TMC4: variants seen among roughly 807,000 people sequenced by gnomAD.
TMC4 encodes voltage-gated chloride channel TMC4.
A neutral mutation model predicts 82.0 loss-of-function variants in TMC4; 70 were observed. The ratio of observed to expected loss-of-function variants is 0.85; its 90% confidence interval spans 0.70 to 1.04. The LOEUF is 1.04. Ranked by LOEUF, TMC4 falls within the 50% of genes least tolerant of loss-of-function variation. TMC4 has a pLI of 0.00. For missense variants in TMC4, 879 were observed against 899.0 expected (o/e 0.98, Z 0.28); for synonymous variants, 446 against 406.0 (o/e 1.10, Z -1.18).
At chr19:54,171,116 C>CGTATATACGCGTAT (rs60555082) in intron 2 of TMC4, among the ~76,000 whole-genome samples, 27 of 147,356 alleles carry the variant, frequency 1.8e-4, no homozygotes, top group East Asian at 8.3e-4. Context: ...TATATATACG[C>CGTATATACGCGTAT]ATATATATTT....
At chr19:54,160,570 A>G in intron 13 of TMC4, 25 bp from the exon 14 acceptor site, 2 of 1,613,244 alleles carry the variant, frequency 1.2e-6, no homozygotes, top group South Asian at 1.1e-5. Context: ...AACGGAAGCC[A>G]CTCCTGACAC....
chr19:54,172,113 C>A, intron 1 of TMC4, 30 bp from the exon 2 acceptor site: 2 of 1,498,602 alleles, frequency 1.3e-6, no homozygotes, highest in South Asian at 1.3e-5. Flanking sequence ...TGGGAAGACC[C>A]GGGAGTCTGG....
rs769838894 is a variant in TMC4 at position 54,169,510 on chromosome 19, AC to A, written c.442+1del. On this transcript the variant is annotated splice_donor_variant, in intron 3 of 14. Coordinates refer to ENST00000619895, the MANE Select transcript of TMC4 (RefSeq NM_144686.4). LOFTEE classifies it high-confidence loss of function. The stretch of plus-strand genomic sequence containing the variant: ...CAGGACACCACCCAAACCCCACCGC[AC>A]CCCCGATCCTCTTCAGTGTCCACGC... 6.2e-7 allele frequency: 1 copy of A among 1,601,940 alleles called. No individual in the cohort carries two copies. The highest frequency in any genetic ancestry group is 1.1e-5 in the South Asian group (1 of 90,364).
chr19:54,160,980 GC>G lies in TMC4; in HGVS notation c.1870del (p.Ala624ProfsTer32). ...GPFRGQSSIW[A>X]QIPESISSLP... ...GCTGGAAATAGACTCAGGGATCTGG[GC>G]CCAGATGGACGACTGCCCCCGGAAT... On this transcript the variant is annotated frameshift_variant, in exon 13 of 15. Transcript: ENST00000619895. LOFTEE classifies it high-confidence loss of function. 6.2e-7 allele frequency: 1 copy of G among 1,614,176 alleles called. No individual in the cohort carries two copies.
chr19:54,160,182 G>T lies in TMC4; in HGVS notation c.*124C>A. The T allele has an allele frequency of 9.0e-7, 1 of 1,112,674 alleles. No homozygotes were observed. The highest frequency in any genetic ancestry group is 1.2e-6 in the Non-Finnish European group (1 of 804,180). The allele number at this position is 1,112,674 out of a possible 1,614,324, so 68.9% of individuals were successfully genotyped here. A position where few individuals can be genotyped will look rare whatever the true frequency, so the allele number is the denominator to read the frequency against. On this transcript the variant is annotated 3_prime_UTR_variant, in exon 15 of 15. Transcript: ENST00000619895. ...CAGGGACGTGGCGGCGAGGGGCCCT[G>T]GAAATCTCCAGATACCAAAGCTGGA...
chr19:54,168,276 G>A lies in TMC4; in HGVS notation c.692C>T (p.Ser231Phe). Residue 231 changes from serine (S) to phenylalanine (F), a missense_variant, in exon 5 of 15, where the codon TCC becomes TTC. By Grantham distance (155) the Ser-to-Phe change is radical. Transcript: ENST00000619895. Reference sequence around the variant, plus strand: ...CGGGTAGAAGCCATAGAAGAGAGGGGACCATTCCAGGTAACCCTGTGGGGG... The same window carrying A: ...CGGGTAGAAGCCATAGAAGAGAGGGAACCATTCCAGGTAACCCTGTGGGGG... ...LLSGEGYLEW[S>F]PLFYGFYPPR... 3.2e-6 allele frequency: 5 copies of A among 1,554,406 alleles called. No homozygotes were observed. In the South Asian group the frequency reaches 3.6e-5, roughly 11 times the overall value.
At position 54,168,779 on chromosome 19, in the gene TMC4, CTTT is replaced by C. The variant is rs1356504566; in HGVS notation, c.443-102_443-100del. The C allele has an allele frequency of 4.6e-4, 157 of 343,840 alleles. 4 individuals carry two copies. The highest frequency in any genetic ancestry group is 1.6e-3 in the African/African-American group (42 of 25,658). The allele number at this position is 343,840 out of a possible 1,614,324, so 21.3% of individuals were successfully genotyped here. ...GGTCCAGCCGCGCCTTCCTTTCTTT[CTTT>C]CTTTTCTTTTCTTTCTTTTCTTTTC... On this transcript the variant is annotated intron_variant, in intron 3 of 14. Coordinates refer to ENST00000619895, the MANE Select transcript of TMC4 (RefSeq NM_144686.4).
At chr19:54,167,226 T>C (rs8101186) in intron 5 of TMC4, among the ~76,000 whole-genome samples, 48,513 of 151,862 alleles carry the variant, frequency 0.32, 8,573 homozygotes, top group East Asian at 0.51. Context: ...ATTGCACCAC[T>C]GCACGCTAGC....
intron 5 of TMC4, 70 bp from the exon 6 acceptor site, chr19:54,165,636 C>A: frequency 6.6e-7 from 1 of 1,509,432 alleles, no homozygotes; most frequent in Non-Finnish European, 8.9e-7. Context: ...GGAGACCCCT[C>A]ATATTGGGAC....
At chr19:54,168,728 A>T in intron 3 of TMC4, 48 bp from the exon 4 acceptor site, 1 of 1,322,232 alleles carries the variant, frequency 7.6e-7, no homozygotes. Flanking sequence ...CGGGAGCAGG[A>T]CCAGCCCCTC....
chr19:54,170,179 C>G (rs1484514492), intron 2 of TMC4, among the ~76,000 whole-genome samples: 2 of 151,960 alleles, frequency 1.3e-5, no homozygotes, highest in African/African-American at 4.8e-5. Flanking sequence ...CTGTATGATT[C>G]TATTTGCACA....
chr19:54,160,269 G>A lies in TMC4; in HGVS notation c.*37C>T, dbSNP rs373019999. On this transcript the variant is annotated 3_prime_UTR_variant, in exon 15 of 15. Coordinates refer to ENST00000619895, the MANE Select transcript of TMC4 (RefSeq NM_144686.4). The stretch of plus-strand genomic sequence containing the variant: ...GATGTTGTGACCTAGGCTTACAATG[G>A]GCCTGGGGTCTGAAAGCGGGACGTG... The A allele has an allele frequency of 7.9e-6, 12 of 1,510,214 alleles. No homozygotes were observed. Among genetic ancestry groups the A allele is most frequent in the East Asian group, 2.3e-5 (1 of 43,890 alleles). The allele number at this position is 1,510,214 out of a possible 1,614,324, so 93.6% of individuals were successfully genotyped here. A position where few individuals can be genotyped will look rare whatever the true frequency, so the allele number is the denominator to read the frequency against.
rs779060998 is a variant in TMC4, at chr19:54,160,389, G to A, written c.2053-15C>T. On this transcript the variant is annotated splice_polypyrimidine_tract_variant and intron_variant, in intron 14 of 14. Transcript: ENST00000619895. ...TTCTGCGCCTCCTGGGGCAAAGAGA[G>A]GTGGAGGTGAGACAATCCTCTTCCC... 2 of 1,561,980 alleles carry A rather than the reference G, an allele frequency of 1.3e-6. No homozygotes were observed. The highest frequency in any genetic ancestry group is 2.3e-5 in the East Asian group (1 of 44,214).
In TMC4 at chr19:54,169,516, G is replaced by A. The variant is rs759181893; in HGVS notation, c.438C>T (p.Ile146=). ...ACCACCCAAACCCCACCGCACCCCC[G>A]ATCCTCTTCAGTGTCCACGCCCAGG... ...LQPWAWTLKR[I]GGQFGAGTES... The change falls in exon 3 of 15, where the codon ATC becomes ATT. Residue 146 remains isoleucine, a synonymous_variant. Transcript: ENST00000619895. 5 of 1,558,858 alleles carry A rather than the reference G, an allele frequency of 3.2e-6. No individual in the cohort carries two copies. Among genetic ancestry groups the A allele is most frequent in the East Asian group, 4.9e-5 (2 of 41,034 alleles).
At chr19:54,170,427 T>G (rs2075855852) in intron 2 of TMC4, among the ~76,000 whole-genome samples, 1 of 152,000 alleles carries the variant, frequency 6.6e-6, no homozygotes, top group Non-Finnish European at 1.5e-5. Context: ...GGTGCTGTCA[T>G]GCCGTGTCAC....
In TMC4 at chr19:54,168,549, G is replaced by T. The variant is rs1268997407; in HGVS notation, c.574C>A (p.Pro192Thr). The T allele has an allele frequency of 6.4e-7, 1 of 1,566,136 alleles. No homozygotes were observed. The highest frequency in any genetic ancestry group is 8.6e-7 in the Non-Finnish European group (1 of 1,156,304). ...GGCGAGGAGATGTCGGGGCCGGGAG[G>T]GCCTGGGGGAGCGCCTCCCAACCAG... ...PTWLGGAPPG[P>T]PGPDISSPCG... is the part of the protein sequence containing the mutation. The change falls in exon 4 of 15, where the codon CCT becomes ACT. Residue 192 changes from proline to threonine, a missense_variant. Coordinates refer to ENST00000619895, the MANE Select transcript of TMC4 (RefSeq NM_144686.4).
Position 54,165,400 on chromosome 19 carries a change from C to T in TMC4, c.945+19G>A, listed in dbSNP as rs1430433773. 1.9e-6 allele frequency: 3 copies of T among 1,582,190 alleles called. No homozygotes were observed. The highest frequency in any genetic ancestry group is 1.7e-5 in the Admixed American group (1 of 59,196). On this transcript the variant is annotated intron_variant, in intron 6 of 14. Coordinates refer to ENST00000619895, the MANE Select transcript of TMC4 (RefSeq NM_144686.4). ...TGTCTGGTCCCTACCCAGTTGCAGA[C>T]CCCGCTCCCTAATCGCACCTTTAAT...
chr19:54,163,377 C>G (rs1422380190), intron 8 of TMC4: 16 of 656,314 alleles, frequency 2.4e-5, no homozygotes, highest in South Asian at 1.8e-4. Context: ...GTGGCGCGAT[C>G]TCAGCTCACT....
Position 54,168,267 on chromosome 19 carries a change from AAG to A in TMC4, c.699_700del (p.Phe234LeufsTer221). ...TGGGCGGGGCGGGTAGAAGCCATAG[AAG>A]AGAGGGGACCATTCCAGGTAACCCT... On this transcript the variant is annotated frameshift_variant, in exon 5 of 15. Coordinates refer to ENST00000619895, the MANE Select transcript of TMC4 (RefSeq NM_144686.4). LOFTEE classifies it high-confidence loss of function. The A allele has an allele frequency of 6.4e-7, 1 of 1,556,346 alleles. No individual in the cohort carries two copies. The highest frequency in any genetic ancestry group is 8.7e-7 in the Non-Finnish European group (1 of 1,149,508).
Sources: gnomAD v4.1 joint callset for allele counts (sites outside exome capture counted in the v4.1 genomes callset) on GRCh38, gnomAD v4.1.1 for gene constraint, MANE v1.5 for transcripts, NCBI Gene and HGNC (gene_info 2026-07-23, HGNC 2026-07-21) for gene names.